Variants in SLC8A1 observed in about 807,000 individuals in gnomAD.
SLC8A1 encodes the protein solute carrier family 8 member A1, also known as sodium/calcium exchanger 1.
In SLC8A1, 18 loss-of-function variants were observed where a neutral mutation model predicts 68.3. The ratio of observed to expected loss-of-function variants is 0.26; its 90% CI spans 0.18 to 0.39. The LOEUF is 0.39. Ranked by LOEUF, SLC8A1 falls within the 10% of genes least tolerant of loss-of-function variation. SLC8A1 has a pLI of 1.00. For missense variants in SLC8A1, 985 were observed against 1,156.7 expected (o/e 0.85, Z 2.15); for synonymous variants, 475 against 415.5 (o/e 1.14, Z -1.74).
chr2:40,391,558 A>C (rs1332277487), intron 2 of SLC8A1, among the ~76,000 whole-genome samples: 1 of 152,050 alleles, frequency 6.6e-6, no homozygotes, highest in East Asian at 1.9e-4. Context: ...CTTCTCCTGT[A>C]AATCCCTAAA....
intron 2 of SLC8A1, among the ~76,000 whole-genome samples, chr2:40,258,337 C>T (rs1007651823): frequency 4.6e-5 from 7 of 152,276 alleles, no homozygotes; most frequent in African/African-American, 1.4e-4. Flanking sequence ...TACTTCCCAA[C>T]GTGTGGGAAG....
intron 1 of SLC8A1, among the ~76,000 whole-genome samples, chr2:40,450,527 C>T (rs1004410425): frequency 2.0e-5 from 3 of 152,174 alleles, no homozygotes; most frequent in African/African-American, 4.8e-5. Flanking sequence ...TGCCTTTAAC[C>T]AGATCTGATC....
intron 2 of SLC8A1, among the ~76,000 whole-genome samples, chr2:40,219,533 T>C (rs1449582797): frequency 6.6e-6 from 1 of 152,206 alleles, no homozygotes; most frequent in East Asian, 1.9e-4. Context: ...GAAATAGAAA[T>C]GAAGTTGAAA....
chr2:40,115,389 C>T (rs1210583061), exon 8 of SLC8A1: 4 of 1,613,978 alleles, frequency 2.5e-6, no homozygotes, highest in African/African-American at 1.3e-5. Context: ...TTCTGGCCTC[C>T]GCCGATACAG....
At chr2:40,173,196 A>ATAAC (rs1212913073) in intron 4 of SLC8A1, among the ~76,000 whole-genome samples, 3 of 152,294 alleles carry the variant, frequency 2.0e-5, no homozygotes, top group South Asian at 4.1e-4. Context: ...TCTCCCAGGG[A>ATAAC]TAACTCATTT....
At chr2:40,405,612 G>A (rs1404188207) in intron 2 of SLC8A1, among the ~76,000 whole-genome samples, 1 of 152,170 alleles carries the variant, frequency 6.6e-6, no homozygotes, top group Non-Finnish European at 1.5e-5. Flanking sequence ...TTACTTGCAT[G>A]GTGGTTTATG....
At chr2:40,428,423 CCACACACA>C (rs3838567) in intron 2 of SLC8A1, 42 bp downstream of exon 2, 1,484 of 1,390,836 alleles carry the variant, frequency 1.1e-3, no homozygotes, top group African/African-American at 3.8e-3. Flanking sequence ...ACACACTGAA[CCACACACA>C]CACACACACA....
intron 2 of SLC8A1, among the ~76,000 whole-genome samples, chr2:40,286,259 C>G (rs370678432): frequency 1.2e-4 from 18 of 152,270 alleles, no homozygotes; most frequent in African/African-American, 4.3e-4. Flanking sequence ...ATAGGGATAA[C>G]CCCAGGTTCA....
chr2:40,400,833 G>A (rs1361178743), intron 2 of SLC8A1, among the ~76,000 whole-genome samples: 1 of 152,138 alleles, frequency 6.6e-6, no homozygotes, highest in African/African-American at 2.4e-5. Context: ...CTGCCAACTG[G>A]CATAGGGAGC....
At chr2:40,267,274 C>A (rs2065471269) in intron 2 of SLC8A1, among the ~76,000 whole-genome samples, 1 of 152,104 alleles carries the variant, frequency 6.6e-6, no homozygotes, top group African/African-American at 2.4e-5. Flanking sequence ...CAGTCATAAC[C>A]CTTATCATTT....
chr2:40,359,692 C>T (rs893294883), intron 2 of SLC8A1, among the ~76,000 whole-genome samples: 1 of 151,990 alleles, frequency 6.6e-6, no homozygotes, highest in African/African-American at 2.4e-5. Context: ...TGAGAAACCC[C>T]AAAGGGCAGA....
At chr2:40,454,480 CTT>C (rs543088073), upstream of SLC8A1, among the ~76,000 whole-genome samples, 100 of 119,442 alleles carry the variant, frequency 8.4e-4, no homozygotes, top group East Asian at 1.7e-3. Flanking sequence ...TGTCTTAAGA[CTT>C]TTTTTTTTTT....
chr2:40,481,996 A>T (rs1704657279), intron 1 of SLC8A1, among the ~76,000 whole-genome samples: 1 of 152,208 alleles, frequency 6.6e-6, no homozygotes, highest in Admixed American at 6.5e-5. Context: ...CTTGATAAAA[A>T]CAGAGATTTG....
chr2:40,200,239 A>AAT lies in SLC8A1; in HGVS notation c.1809-22386_1809-22385dup, dbSNP rs1205217029. On this transcript the variant is annotated intron_variant, in intron 2 of 7. Transcript: ENST00000406785. Reference sequence around the variant, plus strand: ...ATATATTTTTTTATATATATATATAAATATATATATATATATATATATATA... The same window carrying AAT: ...ATATATTTTTTTATATATATATATAAATATATATATATATATATATATATATA... Among the ~76,000 whole-genome samples, 152 of 16,750 alleles carry AAT rather than the reference A, an allele frequency of 9.1e-3. 3 individuals carry two copies. The highest frequency in any genetic ancestry group is 0.032 in the East Asian group (25 of 782). The allele number at this position is 16,750 out of a possible 152,430, so 11.0% of individuals were successfully genotyped here.
At chr2:40,134,097 G>GTGT (rs2040008819) in intron 7 of SLC8A1, among the ~76,000 whole-genome samples, 1 of 35,976 alleles carries the variant, frequency 2.8e-5, no homozygotes. Context: ...GTTTGTTTGT[G>GTGT]TTTTTTTTTT....
intron 2 of SLC8A1, among the ~76,000 whole-genome samples, chr2:40,189,224 C>T (rs753711697): frequency 3.2e-4 from 48 of 152,198 alleles, no homozygotes; most frequent in Admixed American, 5.9e-4. Context: ...AATAATAGTC[C>T]GTATTAGCCA....
intron 2 of SLC8A1, among the ~76,000 whole-genome samples, chr2:40,246,546 C>T (rs1037942995): frequency 6.6e-6 from 1 of 152,210 alleles, no homozygotes; most frequent in African/African-American, 2.4e-5. Flanking sequence ...AATCACTCTG[C>T]TCAGGACTGA....
At chr2:40,321,685 A>G (rs1418850548) in intron 2 of SLC8A1, among the ~76,000 whole-genome samples, 1 of 152,104 alleles carries the variant, frequency 6.6e-6, no homozygotes, top group Admixed American at 6.6e-5. Context: ...TTATAAAACC[A>G]TCAGATCTTG....
chr2:40,313,555 T>C (rs1194673333), intron 2 of SLC8A1, among the ~76,000 whole-genome samples: 2 of 152,044 alleles, frequency 1.3e-5, no homozygotes, highest in Admixed American at 6.6e-5. Flanking sequence ...CATGTATTTA[T>C]AAATATTTGG....
Sources: gnomAD v4.1 joint callset for allele counts (sites outside exome capture counted in the v4.1 genomes callset) on GRCh38, gnomAD v4.1.1 for gene constraint, MANE v1.5 for transcripts, NCBI Gene and HGNC (gene_info 2026-07-23, HGNC 2026-07-21) for gene names.